The following AXDND1 variants were observed in gnomAD, a reference collection of about 807,000 sequenced individuals.
AXDND1 encodes axonemal dynein light chain domain-containing protein 1.
Under a neutral mutation model 137.5 loss-of-function variants are expected in AXDND1, and 110 were observed. That is an observed-to-expected ratio of 0.80 (90% CI 0.69 to 0.94). The LOEUF is 0.94. Among genes scored for constraint, AXDND1 ranks in the 40% least tolerant of loss-of-function variants. The probability of loss-of-function intolerance (pLI) is 0.00; values close to 1 mark genes in which losing one functional copy is unlikely to be tolerated. For synonymous variants in AXDND1, 414 were observed against 399.7 expected (o/e 1.04, Z -0.43); for missense variants, 1,191 against 1,169.8 (o/e 1.02, Z -0.26).
At chr1:179,382,227 T>C (rs1393037954) in intron 6 of AXDND1, among the ~76,000 whole-genome samples, 2 of 149,046 alleles carry the variant, frequency 1.3e-5, no homozygotes, top group Non-Finnish European at 3.0e-5. Context: ...TACAGGCGCC[T>C]GCCACCATGC....
chr1:179,366,381 A>ATCTTTTTTC (rs1667402639), intron 1 of AXDND1, 23 bp from the exon 2 acceptor site: 1 of 584,414 alleles, frequency 1.7e-6, no homozygotes, highest in Non-Finnish European at 2.9e-6. Context: ...TTTTTTTTTA[A>ATCTTTTTTC]ATCTTTTTTC....
intron 12 of AXDND1, 108 bp from the exon 13 acceptor site, chr1:179,429,410 T>C (rs2125305654): frequency 3.9e-6 from 2 of 512,832 alleles, no homozygotes; most frequent in East Asian, 7.0e-5. Context: ...CGAGAAATTT[T>C]AGTTGAGTTA....
At chr1:179,535,341 T>C (rs561275146) in intron 25 of AXDND1, among the ~76,000 whole-genome samples, 1 of 152,206 alleles carries the variant, frequency 6.6e-6, no homozygotes, top group Admixed American at 6.5e-5. Flanking sequence ...ATCATTTACA[T>C]CAGGTATTTC....
chr1:179,509,774 A>G (rs1228341018), intron 21 of AXDND1, among the ~76,000 whole-genome samples: 1 of 152,036 alleles, frequency 6.6e-6, no homozygotes, highest in African/African-American at 2.4e-5. Context: ...ACTTAATCCC[A>G]TGTCCAATGT....
chr1:179,479,622 A>C (rs1433263586), intron 17 of AXDND1, among the ~76,000 whole-genome samples: 1 of 149,642 alleles, frequency 6.7e-6, no homozygotes, highest in African/African-American at 2.5e-5. Context: ...CTAAAAATAC[A>C]AAAAATTAGC....
rs1185402310 is a variant in AXDND1 at position 179,378,575 on chromosome 1, T to G, written c.375-62T>G. 1.1e-5 allele frequency: 14 copies of G among 1,307,960 alleles called. No individual in the cohort carries two copies. The African/African-American group carries it at 2.1e-4, about 20-fold the overall frequency. 81.0% of individuals were successfully genotyped at this position (1,307,960 alleles called of 1,614,324 possible). On this transcript the variant is annotated intron_variant, in intron 4 of 25. Transcript: ENST00000367618. ...TAGAAGGATATGTGTGGATCTCACC[T>G]GCTGTTATGTGGTATCCAGATAGAA... is the stretch of plus-strand genomic sequence containing the variant.
chr1:179,496,470 A>G (rs996756613), intron 20 of AXDND1, among the ~76,000 whole-genome samples: 1 of 152,010 alleles, frequency 6.6e-6, no homozygotes, highest in Non-Finnish European at 1.5e-5. Flanking sequence ...TTGCGATTTC[A>G]TCTAAGTTGT....
chr1:179,459,021 AAGAC>A, intron 16 of AXDND1, among the ~76,000 whole-genome samples: 1 of 152,326 alleles, frequency 6.6e-6, no homozygotes, highest in East Asian at 1.9e-4. Flanking sequence ...TAAAATCAGT[AAGAC>A]AGTTTGGTGA....
intron 11 of AXDND1, among the ~76,000 whole-genome samples, chr1:179,396,692 A>C (rs987602373): frequency 6.6e-6 from 1 of 152,052 alleles, no homozygotes; most frequent in Non-Finnish European, 1.5e-5. Context: ...ACTAAATACT[A>C]TTCTTTTGAG....
At chr1:179,381,125 C>T (rs1401130868) in intron 6 of AXDND1, among the ~76,000 whole-genome samples, 1 of 150,614 alleles carries the variant, frequency 6.6e-6, no homozygotes, top group Non-Finnish European at 1.5e-5. Flanking sequence ...ACTGCAACCT[C>T]CGCCTCCCAG....
At position 179,491,710 on chromosome 1, in the gene AXDND1, T is replaced by C; in HGVS notation, c.2264T>C (p.Leu755Ser). Residue 755 changes from leucine to serine, a missense_variant, in exon 19 of 26, where the codon TTG becomes TCG. Physicochemically the swap from Leu to Ser is moderately radical, Grantham distance 145. Coordinates refer to ENST00000367618, the MANE Select transcript of AXDND1 (RefSeq NM_144696.6). ...ELDAIELTRK[L>S]YQYSSYLSSC... ...GATGCGATTGAACTGACAAGGAAGT[T>C]GTACCAATACTCCAGCTATTTGAGC... The C allele has an allele frequency of 1.3e-6, 2 of 1,583,650 alleles. No homozygotes were observed. Among genetic ancestry groups the C allele is most frequent in the Non-Finnish European group, 1.7e-6 (2 of 1,167,510 alleles).
At chr1:179,501,172 CTG>C (rs1259784517) in intron 20 of AXDND1, among the ~76,000 whole-genome samples, 1 of 151,936 alleles carries the variant, frequency 6.6e-6, no homozygotes, top group Non-Finnish European at 1.5e-5. Context: ...ACTTGACAAA[CTG>C]TCTCTAAAAG....
intron 17 of AXDND1, among the ~76,000 whole-genome samples, chr1:179,473,411 T>C (rs1472525867): frequency 3.9e-5 from 6 of 151,978 alleles, no homozygotes; most frequent in Admixed American, 3.3e-4. Context: ...GGCAGGAGAA[T>C]TGCTTGAATC....
chr1:179,471,008 T>C (rs59288190), intron 17 of AXDND1, among the ~76,000 whole-genome samples: 16,362 of 152,162 alleles, frequency 0.11, 1,000 homozygotes, highest in African/African-American at 0.14. Flanking sequence ...GAGATGATCA[T>C]GTGATTATTT....
intron 25 of AXDND1, chr1:179,543,271 T>C (rs566962974): frequency 1.3e-5 from 2 of 152,296 alleles, no homozygotes; most frequent in Non-Finnish European, 2.9e-5. Context: ...CTCTGAGCTG[T>C]GACTGAAAAA....
At chr1:179,501,986 G>A (rs1461554738) in intron 20 of AXDND1, among the ~76,000 whole-genome samples, 1 of 151,946 alleles carries the variant, frequency 6.6e-6, no homozygotes, top group African/African-American at 2.4e-5. Context: ...AATTATTTTT[G>A]TCAAGAAAAT....
intron 25 of AXDND1, among the ~76,000 whole-genome samples, chr1:179,540,784 C>T (rs1227945233): frequency 6.6e-6 from 1 of 152,200 alleles, no homozygotes; most frequent in Non-Finnish European, 1.5e-5. Context: ...AAGCTGTGCC[C>T]ACCACTGCCC....
At chr1:179,520,000 T>C (rs1028564032) in intron 21 of AXDND1, among the ~76,000 whole-genome samples, 23 of 109,990 alleles carry the variant, frequency 2.1e-4, no homozygotes, top group Admixed American at 5.2e-4. Flanking sequence ...TTAACGATAT[T>C]GATTCCTCCT....
intron 9 of AXDND1, among the ~76,000 whole-genome samples, chr1:179,392,418 T>C (rs946538836): frequency 6.6e-6 from 1 of 152,242 alleles, no homozygotes; most frequent in African/African-American, 2.4e-5. Flanking sequence ...CAGTTGCAAA[T>C]TGTGCTACTG....
Sources: allele counts gnomAD v4.1 joint callset (sites outside exome capture counted in the v4.1 genomes callset), GRCh38; gene constraint gnomAD v4.1.1; transcripts MANE v1.5; gene names NCBI Gene and HGNC (gene_info 2026-07-23, HGNC 2026-07-21).